RBFOX2: variants seen among roughly 807,000 people sequenced by gnomAD.
RBFOX2 encodes RNA binding fox-1 homolog 2.
A neutral mutation model predicts 49.1 loss-of-function variants in RBFOX2; 10 were observed. That is an observed-to-expected ratio of 0.20 (90% confidence interval 0.13 to 0.35). RBFOX2 has a LOEUF of 0.35. RBFOX2 is among the 10% of genes least tolerant of loss of function. The pLI is 1.00. For synonymous variants in RBFOX2, 183 were observed against 187.4 expected, an observed-to-expected ratio of 0.98 and a Z score of 0.19; for missense variants, 323 against 486.9, an observed-to-expected ratio of 0.66 and a Z score of 3.17.
At chr22:35,935,456 T>C (rs2052949638) in intron 1 of RBFOX2, among the ~76,000 whole-genome samples, 1 of 152,086 alleles carries the variant, frequency 6.6e-6, no homozygotes, top group Non-Finnish European at 1.5e-5. Context: ...ATGCAAGAGG[T>C]GGCGGGTGGT....
chr22:35,739,752 A>T (rs1006701657), exon 12 of RBFOX2: 1 of 152,534 alleles, frequency 6.6e-6, no homozygotes, highest in Admixed American at 6.5e-5. Context: ...AGAAAAGAGA[A>T]TCACTGCTCC....
At chr22:35,818,684 G>T (rs990329474) in intron 1 of RBFOX2, among the ~76,000 whole-genome samples, 1 of 152,126 alleles carries the variant, frequency 6.6e-6, no homozygotes, top group Non-Finnish European at 1.5e-5. Flanking sequence ...CTACTCAGGG[G>T]GCTGAGGTGA....
upstream of RBFOX2, among the ~76,000 whole-genome samples, chr22:35,844,660 G>GTTT (rs557706176): frequency 7.9e-5 from 9 of 114,224 alleles, no homozygotes; most frequent in African/African-American, 1.9e-4. Context: ...ATGCCCGGCA[G>GTTT]TTTTTTTTTT....
At chr22:35,876,600 C>A (rs2045123237) in intron 1 of RBFOX2, among the ~76,000 whole-genome samples, 1 of 151,916 alleles carries the variant, frequency 6.6e-6, no homozygotes, top group Admixed American at 6.6e-5. Flanking sequence ...GTATTGTAGT[C>A]ATTCTATAAT....
chr22:35,800,715 C>G lies in RBFOX2; in HGVS notation c.252+9065G>C, dbSNP rs571061401. ...TGTACCTAGTTTTTTTTTTTTCCCC[C>G]AAGAAGCATTTACTGAGTTCTATTA... On this transcript the variant is annotated intron_variant, in intron 2 of 11. Transcript: ENST00000405409. Among the ~76,000 whole-genome samples, 3 of 151,568 alleles carry G rather than the reference C, an allele frequency of 2.0e-5. No individual in the cohort carries two copies. The South Asian group carries it at 6.3e-4, about 32-fold the overall frequency.
upstream of RBFOX2, among the ~76,000 whole-genome samples, chr22:35,962,893 C>G (rs1196281355): frequency 2.0e-5 from 3 of 151,688 alleles, no homozygotes; most frequent in African/African-American, 7.3e-5. Flanking sequence ...CTATGTGACT[C>G]TGAAGGACAA....
At chr22:35,973,975 G>A (rs1015591401) in intron 1 of RBFOX2, among the ~76,000 whole-genome samples, 4 of 152,164 alleles carry the variant, frequency 2.6e-5, no homozygotes, top group Non-Finnish European at 5.9e-5. Context: ...CATGAGGTGG[G>A]GTTCCCGAAA....
At chr22:35,744,987 A>G (rs1931949366) in intron 11 of RBFOX2, among the ~76,000 whole-genome samples, 1 of 152,208 alleles carries the variant, frequency 6.6e-6, no homozygotes, top group Non-Finnish European at 1.5e-5. Context: ...AACCTCAGGC[A>G]CTTCTACCAC....
chr22:35,807,227 A>C (rs1307469075), intron 2 of RBFOX2, among the ~76,000 whole-genome samples: 1 of 152,242 alleles, frequency 6.6e-6, no homozygotes, highest in South Asian at 2.1e-4. Context: ...CATTAATATC[A>C]GACAAATAGT....
chr22:35,955,483 G>C (rs1390031748), intron 1 of RBFOX2, among the ~76,000 whole-genome samples: 3 of 146,686 alleles, frequency 2.0e-5, no homozygotes, highest in African/African-American at 7.5e-5. Flanking sequence ...CAACTTAATA[G>C]AACAGTGGTC....
At chr22:35,750,555 G>C in intron 9 of RBFOX2, 1 of 785,864 alleles carries the variant, frequency 1.3e-6, no homozygotes, top group Non-Finnish European at 2.2e-6. Flanking sequence ...TTGGAACTCT[G>C]ATAGCTGGAT....
chr22:35,946,360 G>A (rs1177793588), intron 1 of RBFOX2, among the ~76,000 whole-genome samples: 1 of 152,188 alleles, frequency 6.6e-6, no homozygotes, highest in African/African-American at 2.4e-5. Context: ...AACCTTGGGA[G>A]TTGAAGATAC....
intron 1 of RBFOX2, among the ~76,000 whole-genome samples, chr22:35,950,785 C>T (rs749553899): frequency 5.3e-5 from 8 of 151,960 alleles, no homozygotes; most frequent in Non-Finnish European, 1.0e-4. Flanking sequence ...ATCTCGGTCC[C>T]GGGGTAGCTG....
chr22:35,816,674 G>A (rs1953135357), intron 1 of RBFOX2, among the ~76,000 whole-genome samples: 1 of 152,146 alleles, frequency 6.6e-6, no homozygotes, highest in African/African-American at 2.4e-5. Flanking sequence ...GAATGGCCAA[G>A]ATCCCAAGGA....
chr22:35,743,933 T>A (rs187725493), exon 12 of RBFOX2: 208 of 333,326 alleles, frequency 6.2e-4, no homozygotes, highest in East Asian at 1.7e-3. Context: ...ATGCATTATT[T>A]TTTTTTTTTT....
chr22:35,780,664 G>T (rs1482311994), intron 3 of RBFOX2, among the ~76,000 whole-genome samples: 1 of 152,072 alleles, frequency 6.6e-6, no homozygotes, highest in Non-Finnish European at 1.5e-5. Flanking sequence ...AAACACTGAG[G>T]TACTGTTTTC....
intron 6 of RBFOX2, among the ~76,000 whole-genome samples, chr22:35,764,466 C>T (rs1940218539): frequency 6.6e-6 from 1 of 151,900 alleles, no homozygotes; most frequent in Non-Finnish European, 1.5e-5. Flanking sequence ...CGCCTGTAGT[C>T]CCAGCTACTC....
At chr22:36,028,695 A>G (rs2059545628) in exon 1 of RBFOX2, among the ~76,000 whole-genome samples, 1 of 149,434 alleles carries the variant, frequency 6.7e-6, no homozygotes, top group Non-Finnish European at 1.5e-5. Context: ...GCGCCCCCGC[A>G]CGCACACGCG....
At chr22:35,823,418 A>G (rs1360425615) in intron 1 of RBFOX2, among the ~76,000 whole-genome samples, 3 of 152,210 alleles carry the variant, frequency 2.0e-5, no homozygotes, top group Non-Finnish European at 2.9e-5. Context: ...TAGCTTTTCC[A>G]GAAATTTAAT....
Sources: gnomAD v4.1 joint callset for allele counts (sites outside exome capture counted in the v4.1 genomes callset) on GRCh38, gnomAD v4.1.1 for gene constraint, MANE v1.5 for transcripts, NCBI Gene and HGNC (gene_info 2026-07-23, HGNC 2026-07-21) for gene names.